The following ADK variants were observed in gnomAD, a reference collection of about 807,000 sequenced individuals.
ADK encodes adenosine kinase.
A neutral mutation model predicts 44.7 loss-of-function variants in ADK; 24 were observed. The ratio of observed to expected loss-of-function variants is 0.54; its 90% CI spans 0.39 to 0.76. The LOEUF is 0.76. Among genes scored for constraint, ADK ranks in the 30% least tolerant of loss-of-function variants. The pLI is 0.00. For missense variants in ADK, 321 were observed against 425.1 expected, an observed-to-expected ratio of 0.76 and a Z score of 2.15; for synonymous variants, 128 against 142.6, an observed-to-expected ratio of 0.90 and a Z score of 0.73.
intron 7 of ADK, among the ~76,000 whole-genome samples, chr10:74,572,734 T>C (rs1483664256): frequency 1.3e-5 from 2 of 152,206 alleles, no homozygotes; most frequent in African/African-American, 2.4e-5. Flanking sequence ...ACTTCCCTTC[T>C]CGCTTCATTT....
At chr10:74,538,255 CAAA>C (rs535509115) in intron 7 of ADK, among the ~76,000 whole-genome samples, 8 of 85,208 alleles carry the variant, frequency 9.4e-5, no homozygotes, top group Admixed American at 1.4e-4. Flanking sequence ...CTCCGTCTCA[CAAA>C]AAAAAAAAAA....
chr10:74,674,554 A>T (rs577232760), intron 10 of ADK, among the ~76,000 whole-genome samples: 1 of 152,208 alleles, frequency 6.6e-6, no homozygotes, highest in East Asian at 1.9e-4. Context: ...GCCCGTATGG[A>T]AAAATTAACA....
intron 6 of ADK, among the ~76,000 whole-genome samples, chr10:74,406,674 T>TTTTTTATTTTTA (rs57668113): frequency 8.1e-5 from 12 of 148,060 alleles, no homozygotes; most frequent in Non-Finnish European, 1.0e-4. Flanking sequence ...TTGTCTTTTC[T>TTTTTTATTTTTA]TTTTTATTTT....
intron 1 of ADK, among the ~76,000 whole-genome samples, chr10:74,173,678 C>G (rs1211012988): frequency 1.3e-5 from 2 of 152,030 alleles, no homozygotes; most frequent in African/African-American, 2.4e-5. Flanking sequence ...GTCCTCCTGC[C>G]TCAGCCTCCC....
chr10:74,570,957 G>A (rs1183117286), intron 7 of ADK, among the ~76,000 whole-genome samples: 20 of 152,078 alleles, frequency 1.3e-4, no homozygotes, highest in Non-Finnish European at 7.4e-5. Context: ...TTTGAGATAC[G>A]TCCCATCAAT....
At chr10:74,198,953 A>G (rs1263734674) in intron 1 of ADK, among the ~76,000 whole-genome samples, 1 of 152,256 alleles carries the variant, frequency 6.6e-6, no homozygotes, top group African/African-American at 2.4e-5. Flanking sequence ...TAAGAAGTAT[A>G]GGAAACATAA....
intron 5 of ADK, among the ~76,000 whole-genome samples, chr10:74,395,105 C>A (rs182939572): frequency 2.3e-3 from 349 of 152,200 alleles, no homozygotes; most frequent in Non-Finnish European, 3.6e-3. Context: ...TTGGGATAAT[C>A]AAAGATGACC....
intron 7 of ADK, chr10:74,530,650 GCA>G (rs1237997272): frequency 2.6e-5 from 4 of 152,292 alleles, no homozygotes; most frequent in African/African-American, 9.6e-5. Flanking sequence ...CTAAGGCCAA[GCA>G]CAGTGGCTCA....
intron 1 of ADK, among the ~76,000 whole-genome samples, chr10:74,192,527 ATT>A (rs58530218): frequency 2.3e-5 from 3 of 131,984 alleles, no homozygotes; most frequent in Non-Finnish European, 1.7e-5. Context: ...CACCTGGCCC[ATT>A]TTTTTTTTTT....
intron 2 of ADK, among the ~76,000 whole-genome samples, chr10:74,217,736 A>G (rs1844118147): frequency 6.6e-6 from 1 of 152,164 alleles, no homozygotes; most frequent in Admixed American, 6.5e-5. Context: ...TTCTGCAGCC[A>G]CCGCTGCTGA....
At chr10:74,151,858 C>T (rs1170304539) in intron 1 of ADK, among the ~76,000 whole-genome samples, 1 of 152,218 alleles carries the variant, frequency 6.6e-6, no homozygotes, top group Non-Finnish European at 1.5e-5. Flanking sequence ...GGGACCCAGA[C>T]CCCTCCGATG....
chr10:74,555,427 G>A (rs1360611339), intron 7 of ADK, among the ~76,000 whole-genome samples: 1 of 152,034 alleles, frequency 6.6e-6, no homozygotes, highest in Non-Finnish European at 1.5e-5. Context: ...GGGGGAGAGA[G>A]AGAATTGTCA....
chr10:74,261,963 G>A (rs1430740250), intron 3 of ADK, among the ~76,000 whole-genome samples: 1 of 151,840 alleles, frequency 6.6e-6, no homozygotes. Context: ...AGAGCTATGA[G>A]TTATTTTTAT....
At chr10:74,349,770 G>GT (rs1192611682) in intron 4 of ADK, among the ~76,000 whole-genome samples, 1 of 151,910 alleles carries the variant, frequency 6.6e-6, no homozygotes, top group Non-Finnish European at 1.5e-5. Context: ...TGCACTTCTA[G>GT]TCTCTGATAA....
intron 7 of ADK, among the ~76,000 whole-genome samples, chr10:74,553,993 A>C (rs1448815412): frequency 6.6e-6 from 1 of 152,184 alleles, no homozygotes; most frequent in Non-Finnish European, 1.5e-5. Context: ...ATAAATTGTG[A>C]AAAGATTATT....
intron 4 of ADK, among the ~76,000 whole-genome samples, chr10:74,342,597 C>T (rs890960483): frequency 5.9e-5 from 9 of 152,092 alleles, no homozygotes; most frequent in African/African-American, 1.9e-4. Flanking sequence ...CTCAGCCTCC[C>T]AAGTAGCTGA....
intron 1 of ADK, among the ~76,000 whole-genome samples, chr10:74,153,516 C>A (rs1841670087): frequency 2.0e-5 from 3 of 152,136 alleles, no homozygotes; most frequent in Admixed American, 2.0e-4. Flanking sequence ...ATAACAGTTG[C>A]TTATAAAGAA....
chr10:74,186,362 C>A (rs1842767497), intron 1 of ADK, among the ~76,000 whole-genome samples: 2 of 152,040 alleles, frequency 1.3e-5, no homozygotes, highest in African/African-American at 2.4e-5. Context: ...TCACTGCAAC[C>A]TTGACCTCCC....
chr10:74,307,964 CT>C (rs2132544418), intron 3 of ADK, among the ~76,000 whole-genome samples: 1 of 152,216 alleles, frequency 6.6e-6, no homozygotes, highest in African/African-American at 2.4e-5. Context: ...ATGACTTTTT[CT>C]TTTTATGATT....
Sources: gnomAD v4.1 joint callset for allele counts (sites outside exome capture counted in the v4.1 genomes callset) on GRCh38, gnomAD v4.1.1 for gene constraint, MANE v1.5 for transcripts, NCBI Gene and HGNC (gene_info 2026-07-23, HGNC 2026-07-21) for gene names.